The following ZDHHC7 variants were observed in gnomAD, a reference collection of about 807,000 sequenced individuals.
The protein encoded by ZDHHC7 is zDHHC palmitoyltransferase 7.
A neutral mutation model predicts 34.1 loss-of-function variants in ZDHHC7; 12 were observed. The ratio of observed to expected loss-of-function variants is 0.35; its 90% CI spans 0.23 to 0.57. The LOEUF (loss-of-function observed/expected upper bound fraction) is 0.57. Ranked by LOEUF, ZDHHC7 falls within the 20% of genes least tolerant of loss-of-function variation. The pLI, the probability that ZDHHC7 is intolerant of heterozygous loss-of-function variation, is 0.84. For synonymous variants in ZDHHC7, 185 were observed against 155.4 expected (o/e 1.19, Z -1.42); for missense variants, 388 against 402.7 (o/e 0.96, Z 0.31).
At chr16:85,025,787 C>G in the ZDHHC7 span, among the ~76,000 whole-genome samples, 1 of 152,196 alleles carries the variant, frequency 6.6e-6, no homozygotes, top group East Asian at 1.9e-4. Context: ...CCTTCCAGGC[C>G]CAGATATATA....
At chr16:84,997,721 C>G (rs1296448253) in intron 1 of ZDHHC7, among the ~76,000 whole-genome samples, 6 of 148,720 alleles carry the variant, frequency 4.0e-5, no homozygotes, top group African/African-American at 1.5e-4. Flanking sequence ...AGTGAAACCC[C>G]GTCTCTACTA....
At chr16:85,023,527 C>A in the ZDHHC7 span, among the ~76,000 whole-genome samples, 2 of 152,184 alleles carry the variant, frequency 1.3e-5, no homozygotes, top group Non-Finnish European at 2.9e-5. Flanking sequence ...GAAAAATAGG[C>A]ATGGTAGTCA....
chr16:84,990,257 C>G (rs1162398785), intron 3 of ZDHHC7, 47 bp downstream of exon 3: 4 of 1,592,824 alleles, frequency 2.5e-6, no homozygotes, highest in South Asian at 2.3e-5. Flanking sequence ...CCCGAGGACA[C>G]TAGACCAGAC....
chr16:84,978,622 G>T (rs943687540), intron 5 of ZDHHC7, among the ~76,000 whole-genome samples: 12 of 152,132 alleles, frequency 7.9e-5, no homozygotes, highest in African/African-American at 2.9e-4. Context: ...TAGCACTTTG[G>T]GAGGCCGAGG....
At chr16:84,997,984 A>C (rs1428498665) in intron 1 of ZDHHC7, among the ~76,000 whole-genome samples, 5 of 150,570 alleles carry the variant, frequency 3.3e-5, no homozygotes, top group African/African-American at 1.2e-4. Context: ...ATGTAAAATA[A>C]AATTAGAAGA....
chr16:84,979,464 C>A (rs146420914), intron 4 of ZDHHC7, 179 bp from the exon 5 acceptor site: 2 of 672,126 alleles, frequency 3.0e-6, no homozygotes, highest in Non-Finnish European at 3.7e-6. Context: ...AAATGTCTTC[C>A]GTTTCCTAAG....
At chr16:84,980,551 T>A (rs1315792705) in intron 4 of ZDHHC7, among the ~76,000 whole-genome samples, 3 of 151,944 alleles carry the variant, frequency 2.0e-5, no homozygotes, top group African/African-American at 7.2e-5. Flanking sequence ...GCGCCTGTAA[T>A]CCCAGCTACT....
At chr16:85,017,500 GA>G in the ZDHHC7 span, among the ~76,000 whole-genome samples, 1 of 152,130 alleles carries the variant, frequency 6.6e-6, no homozygotes, top group Non-Finnish European at 1.5e-5. Flanking sequence ...ACTTCTACTA[GA>G]ATGTTCATTC....
chr16:84,978,712 A>C (rs945477124), intron 5 of ZDHHC7, among the ~76,000 whole-genome samples: 1 of 152,150 alleles, frequency 6.6e-6, no homozygotes, highest in Non-Finnish European at 1.5e-5. Flanking sequence ...AAAATACAAA[A>C]TTAGCCAGGC....
In ZDHHC7 at chr16:85,000,846, A is replaced by G. The variant is rs534849173; in HGVS notation, c.-103-4839T>C. Among the ~76,000 whole-genome samples the G allele has an allele frequency of 1.7e-4, 26 of 152,346 alleles. No homozygotes were observed. The South Asian group carries it at 4.8e-3, about 28-fold the overall frequency. On this transcript the variant is annotated intron_variant, in intron 1 of 7. Coordinates refer to ENST00000313732, the MANE Select transcript of ZDHHC7 (RefSeq NM_017740.3). Reference sequence around the variant, plus strand: ...CACACAGCAGCGAGGTGAGGATCCAATGTGCAAAGTGCTTTCCCCAAGTTA... The same window carrying G: ...CACACAGCAGCGAGGTGAGGATCCAGTGTGCAAAGTGCTTTCCCCAAGTTA...
At chr16:85,004,068 G>A (rs1232375167) in intron 1 of ZDHHC7, among the ~76,000 whole-genome samples, 3 of 152,146 alleles carry the variant, frequency 2.0e-5, no homozygotes, top group Admixed American at 6.5e-5. Flanking sequence ...GGCTGACGAT[G>A]CATCCCTAAG....
intron 4 of ZDHHC7, among the ~76,000 whole-genome samples, chr16:84,980,115 C>G (rs1182830620): frequency 1.3e-5 from 2 of 151,872 alleles, no homozygotes; most frequent in African/African-American, 2.4e-5. Context: ...CACCAGTCAC[C>G]ATGCCCGGCT....
At chr16:85,024,233 T>A in the ZDHHC7 span, among the ~76,000 whole-genome samples, 2 of 147,322 alleles carry the variant, frequency 1.4e-5, no homozygotes, top group African/African-American at 5.0e-5. Flanking sequence ...GTTTTTTGTT[T>A]TTTTTTTTTT....
At chr16:84,984,266 C>A (rs1463292459) in intron 3 of ZDHHC7, among the ~76,000 whole-genome samples, 1 of 152,144 alleles carries the variant, frequency 6.6e-6, no homozygotes. Context: ...GGTGATCCAA[C>A]CGCCTCAGCT....
intron 1 of ZDHHC7, among the ~76,000 whole-genome samples, chr16:85,000,599 T>A (rs1397849584): frequency 6.6e-6 from 1 of 152,224 alleles, no homozygotes; most frequent in Non-Finnish European, 1.5e-5. Flanking sequence ...AACTTGTCGT[T>A]GCTTTACTGT....
At chr16:84,993,262 A>C (rs1221162338) in intron 2 of ZDHHC7, among the ~76,000 whole-genome samples, 1 of 152,104 alleles carries the variant, frequency 6.6e-6, no homozygotes. Context: ...TGGAGGCTGC[A>C]GTGAGCCATG....
intron 3 of ZDHHC7, among the ~76,000 whole-genome samples, chr16:84,982,637 A>G (rs987009067): frequency 7.9e-5 from 12 of 152,350 alleles, no homozygotes; most frequent in Admixed American, 3.3e-4. Context: ...TCGTGTTGCT[A>G]AAGTGACATG....
At chr16:84,994,935 CT>C (rs1157910404) in intron 2 of ZDHHC7, among the ~76,000 whole-genome samples, 1 of 152,200 alleles carries the variant, frequency 6.6e-6, no homozygotes, top group African/African-American at 2.4e-5. Flanking sequence ...TGTATTTACA[CT>C]TGAGTAATGC....
In ZDHHC7 at chr16:84,982,039, TA is replaced by T. The variant is rs144931935; in HGVS notation, c.316-46del. ...TACTTTAGTTGGGGAGAATGAAAGT[TA>T]AAAACATCAGGCCGGGCGCAGTGGG... On this transcript the variant is annotated intron_variant, in intron 3 of 7. Transcript: ENST00000313732. 10,553 of 1,611,402 alleles carry T rather than the reference TA, an allele frequency of 6.5e-3. 53 individuals are homozygous for T. The highest frequency in any genetic ancestry group is 9.9e-3 in the Middle Eastern group (59 of 5,964).
Sources: gnomAD v4.1 joint callset for allele counts (sites outside exome capture counted in the v4.1 genomes callset) on GRCh38, gnomAD v4.1.1 for gene constraint, MANE v1.5 for transcripts, NCBI Gene and HGNC (gene_info 2026-07-23, HGNC 2026-07-21) for gene names.